MPDZ: variants seen among roughly 807,000 people sequenced by gnomAD.
MPDZ encodes multiple PDZ domain crumbs cell polarity complex component, also known as multiple PDZ domain protein.
MPDZ carries 234 observed loss-of-function variants against 239.1 expected under a neutral mutation model. That is an observed-to-expected ratio of 0.98 (90% CI 0.88 to 1.09). MPDZ has a LOEUF of 1.09. MPDZ is among the 50% of genes least tolerant of loss of function. The probability of loss-of-function intolerance (pLI) is 0.00; values close to 1 mark genes in which losing one functional copy is unlikely to be tolerated. For missense variants in MPDZ, 3,175 were observed against 2,510.0 expected (o/e 1.26, Z -5.66); for synonymous variants, 1,048 against 881.3 (o/e 1.19, Z -3.35).
intron 1 of MPDZ, among the ~76,000 whole-genome samples, chr9:13,255,122 A>T (rs1969117558): frequency 6.6e-6 from 1 of 152,218 alleles, no homozygotes; most frequent in African/African-American, 2.4e-5. Flanking sequence ...CATCTTCACC[A>T]GGCATACATT....
At chr9:13,197,909 G>T (rs1955855520) in intron 12 of MPDZ, among the ~76,000 whole-genome samples, 1 of 152,022 alleles carries the variant, frequency 6.6e-6, no homozygotes, top group African/African-American at 2.4e-5. Context: ...CATCCATGTT[G>T]TTACAAAAGA....
chr9:13,211,921 TTTAAACCTTAAAGACAAAAA>T (rs1280068182), intron 10 of MPDZ, among the ~76,000 whole-genome samples: 1 of 152,112 alleles, frequency 6.6e-6, no homozygotes, highest in Non-Finnish European at 1.5e-5. Flanking sequence ...TTTTATATTC[TTTAAACCTTAAAGACAAAAA>T]TTAATGTAAA....
chr9:13,232,300 G>A (rs1047077912), intron 3 of MPDZ, among the ~76,000 whole-genome samples: 5 of 152,014 alleles, frequency 3.3e-5, no homozygotes, highest in Admixed American at 6.6e-5. Flanking sequence ...AAACTAAAAT[G>A]TTTTCTAAAA....
intron 10 of MPDZ, among the ~76,000 whole-genome samples, chr9:13,206,964 C>T (rs772884425): frequency 1.7e-4 from 26 of 152,046 alleles, no homozygotes; most frequent in Non-Finnish European, 2.5e-4. Context: ...CAGATACAGG[C>T]CACTGTGCCC....
At chr9:13,217,380 GA>G (rs1286850797) in intron 8 of MPDZ, 86 bp from the exon 9 acceptor site, 1 of 876,650 alleles carries the variant, frequency 1.1e-6, no homozygotes, top group Non-Finnish European at 1.7e-6. Context: ...AAAAAACCAT[GA>G]TAAAATAAAG....
chr9:13,218,474 A>C (rs1958648609), intron 8 of MPDZ, among the ~76,000 whole-genome samples: 1 of 151,918 alleles, frequency 6.6e-6, no homozygotes, highest in South Asian at 2.1e-4. Flanking sequence ...ATATCGCTGA[A>C]TAAAATGTTT....
At chr9:13,214,416 G>A (rs1316119178) in intron 10 of MPDZ, among the ~76,000 whole-genome samples, 1 of 151,910 alleles carries the variant, frequency 6.6e-6, no homozygotes, top group African/African-American at 2.4e-5. Context: ...CCAGGACTGG[G>A]AGAATGGGGG....
chr9:13,149,978 A>G (rs1397057120), intron 25 of MPDZ, among the ~76,000 whole-genome samples: 1 of 148,880 alleles, frequency 6.7e-6, no homozygotes, highest in Non-Finnish European at 1.5e-5. Flanking sequence ...ACTCACTTGG[A>G]AAAAAAAAAC....
chr9:13,125,402 T>C lies in MPDZ; in HGVS notation c.4633-12A>G. ...AGAAGGCTAATAAACTGGCAGGGTG[T>C]ATGTGTGGAAGAGAAACAAAATTCA... On this transcript the variant is annotated splice_polypyrimidine_tract_variant and intron_variant, in intron 34 of 46. Transcript: ENST00000319217. The C allele has an allele frequency of 1.9e-6, 3 of 1,610,356 alleles. No homozygotes were observed. The highest frequency in any genetic ancestry group is 2.5e-6 in the Non-Finnish European group (3 of 1,177,290).
chr9:13,191,564 T>G (rs1954933431), intron 15 of MPDZ, among the ~76,000 whole-genome samples: 1 of 152,130 alleles, frequency 6.6e-6, no homozygotes, highest in East Asian at 1.9e-4. Flanking sequence ...TGGGCCAAAT[T>G]TATTGTATTT....
At chr9:13,156,675 T>C (rs1385516306) in intron 24 of MPDZ, among the ~76,000 whole-genome samples, 1 of 152,188 alleles carries the variant, frequency 6.6e-6, no homozygotes, top group Non-Finnish European at 1.5e-5. Flanking sequence ...AGCCAAACTA[T>C]ATCACCTTCT....
At chr9:13,173,058 C>T (rs1158369733) in intron 21 of MPDZ, among the ~76,000 whole-genome samples, 2 of 152,176 alleles carry the variant, frequency 1.3e-5, no homozygotes, top group East Asian at 1.9e-4. Flanking sequence ...CTACATGAAG[C>T]ATTTCATCAA....
chr9:13,242,417 TG>T (rs1965644690), intron 3 of MPDZ, among the ~76,000 whole-genome samples: 1 of 151,692 alleles, frequency 6.6e-6, no homozygotes, highest in South Asian at 2.1e-4. Flanking sequence ...GTAGAGATGA[TG>T]GGGTTTCACC....
chr9:13,109,911 T>C (rs1365039164), intron 45 of MPDZ, 41 bp downstream of exon 45: 3 of 1,501,948 alleles, frequency 2.0e-6, no homozygotes, highest in Admixed American at 1.8e-5. Context: ...ACTTGATTCA[T>C]AAGTGAAAAA....
At chr9:13,267,046 T>C (rs572784494) in intron 1 of MPDZ, among the ~76,000 whole-genome samples, 3 of 152,330 alleles carry the variant, frequency 2.0e-5, no homozygotes, top group South Asian at 2.1e-4. Flanking sequence ...ATCACTGGAA[T>C]GTCTAAAATG....
chr9:13,209,617 C>A (rs147790825), intron 10 of MPDZ, among the ~76,000 whole-genome samples: 1 of 152,088 alleles, frequency 6.6e-6, no homozygotes, highest in Non-Finnish European at 1.5e-5. Flanking sequence ...CACTGAAGAT[C>A]GGTGCATGTA....
intron 24 of MPDZ, among the ~76,000 whole-genome samples, chr9:13,155,825 T>C (rs1231074742): frequency 6.6e-6 from 1 of 152,188 alleles, no homozygotes; most frequent in African/African-American, 2.4e-5. Context: ...TTCTATGAAC[T>C]TCCCCTAGAA....
In MPDZ at chr9:13,143,476, T is replaced by C. The variant is rs759740315; in HGVS notation, c.3830A>G (p.Asn1277Ser). The C allele has an allele frequency of 1.2e-5, 20 of 1,611,838 alleles. No individual in the cohort carries two copies. Among genetic ancestry groups the C allele is most frequent in the Admixed American group, 5.0e-5 (3 of 59,950 alleles). ...TNPFADSLQINADKAPSQSES... is the reference protein window; with the variant it reads ...TNPFADSLQISADKAPSQSES... ...TGGGCATTATCCAACCTTGTCGGCG[T>C]TGATTTGTAGAGAGTCAGCAAATGG... is the stretch of plus-strand genomic sequence containing the variant. Residue 1277 changes from asparagine (N) to serine (S), a missense_variant, in exon 27 of 47, where the codon AAC (asparagine) becomes AGC (serine). Coordinates refer to ENST00000319217, the MANE Select transcript of MPDZ (RefSeq NM_001378778.1).
chr9:13,200,807 T>C (rs1361181617), intron 12 of MPDZ, among the ~76,000 whole-genome samples: 2 of 152,216 alleles, frequency 1.3e-5, no homozygotes, highest in East Asian at 3.9e-4. Context: ...TTAAGATTTA[T>C]AAAGACTTGT....
Sources: gnomAD v4.1 joint callset for allele counts (sites outside exome capture counted in the v4.1 genomes callset) on GRCh38, gnomAD v4.1.1 for gene constraint, MANE v1.5 for transcripts, NCBI Gene and HGNC (gene_info 2026-07-23, HGNC 2026-07-21) for gene names.